DHX35: variants seen among roughly 807,000 people sequenced by gnomAD.
The protein encoded by DHX35 is probable ATP-dependent RNA helicase DHX35.
In DHX35, 84 loss-of-function variants were observed where a neutral mutation model predicts 99.6. The observed-to-expected ratio is 0.84, with a 90% CI of 0.71 to 1.01. The LOEUF is 1.01. Ranked by LOEUF, DHX35 falls within the 50% of genes least tolerant of loss-of-function variation. DHX35 has a pLI of 0.00. For synonymous variants in DHX35, 331 were observed against 316.2 expected (o/e 1.05, Z -0.50); for missense variants, 852 against 888.5 (o/e 0.96, Z 0.52).
chr20:39,032,774 A>G (rs1418494637), intron 20 of DHX35, among the ~76,000 whole-genome samples: 1 of 152,194 alleles, frequency 6.6e-6, no homozygotes, highest in Non-Finnish European at 1.5e-5. Context: ...CAAGCCCTCC[A>G]GATGTTTCTT....
At chr20:39,025,169 A>G (rs1298032909) in intron 17 of DHX35, 61 bp from the exon 18 acceptor site, 81 of 1,539,088 alleles carry the variant, frequency 5.3e-5, no homozygotes, top group Non-Finnish European at 3.4e-5. Flanking sequence ...GATCTTTACA[A>G]CATAGCCTTA....
rs138825812 is a variant in DHX35, at chr20:39,037,749, A to G, written c.2068-750A>G. ...GTTGATGAGTGGAGGGAGGTCTTTC[A>G]TTAAAAGCTTGTATTTACACACTCT... On this transcript the variant is annotated intron_variant, in intron 21 of 21. Coordinates refer to ENST00000252011, the MANE Select transcript of DHX35 (RefSeq NM_021931.4). Among the ~76,000 whole-genome samples, 648 of 152,262 alleles carry G rather than the reference A, an allele frequency of 4.3e-3. 5 individuals are homozygous for G. The highest frequency in any genetic ancestry group is 0.014 in the African/African-American group (594 of 41,536).
chr20:39,033,065 A>C (rs2087084035), intron 20 of DHX35, among the ~76,000 whole-genome samples: 2 of 151,778 alleles, frequency 1.3e-5, no homozygotes, highest in Non-Finnish European at 1.5e-5. Context: ...CCATAGCCAG[A>C]CCTCAACTCT....
At chr20:39,010,246 T>C in intron 12 of DHX35, 34 bp from the exon 13 acceptor site, 1 of 1,613,940 alleles carries the variant, frequency 6.2e-7, no homozygotes, top group Non-Finnish European at 8.5e-7. Flanking sequence ...ATTGTGACAT[T>C]TGGTCCCAAA....
Position 38,991,474 on chromosome 20 carries a change from G to C in DHX35, c.471G>C (p.Leu157=). The part of the protein sequence containing the change: ...TRIKFLTDGM[L]VREMMVDPLL... ...TTTAGTTTCTTACTGATGGAATGCT[G>C]GTCAGGGAAATGATGGTTGATCCGT... The change falls in exon 6 of 22, where the codon CTG becomes CTC. Residue 157 remains leucine, a synonymous_variant. Coordinates refer to ENST00000252011, the MANE Select transcript of DHX35 (RefSeq NM_021931.4). 6 of 1,613,456 alleles carry C rather than the reference G, an allele frequency of 3.7e-6. No individual in the cohort carries two copies. The highest frequency in any genetic ancestry group is 1.1e-5 in the South Asian group (1 of 90,966).
chr20:38,981,374 A>G (rs1177919278), intron 3 of DHX35, among the ~76,000 whole-genome samples: 1 of 151,760 alleles, frequency 6.6e-6, no homozygotes, highest in Non-Finnish European at 1.5e-5. Context: ...TTCCTCACTT[A>G]TTTCTTAGAT....
rs1234231785 is a variant in DHX35 at position 39,025,451 on chromosome 20, G to A, written c.1801+92G>A. The A allele has an allele frequency of 2.0e-6, 3 of 1,497,980 alleles. No homozygotes were observed. In the African/African-American group the frequency reaches 4.2e-5, roughly 21 times the overall value. 92.8% of individuals were successfully genotyped at this position (1,497,980 alleles called of 1,614,324 possible). A position where few individuals can be genotyped will look rare whatever the true frequency, so the allele number is the denominator to read the frequency against. On this transcript the variant is annotated intron_variant, in intron 18 of 21. Coordinates refer to ENST00000252011, the MANE Select transcript of DHX35 (RefSeq NM_021931.4). ...TCTCATGCTGGGCTGGTGCGAGGCA[G>A]TGTGGCGTGCTCTGTACCAACACTG...
chr20:39,006,970 G>A (rs1178820783), intron 12 of DHX35, among the ~76,000 whole-genome samples: 1 of 152,230 alleles, frequency 6.6e-6, no homozygotes, highest in Admixed American at 6.5e-5. Flanking sequence ...TGGACCCAGA[G>A]CTGCTCTTTC....
chr20:39,010,902 G>A (rs1381583627), intron 13 of DHX35, among the ~76,000 whole-genome samples: 2 of 152,128 alleles, frequency 1.3e-5, no homozygotes, highest in African/African-American at 4.8e-5. Flanking sequence ...GGGTCAAAGG[G>A]CCGTTGTCCT....
intron 13 of DHX35, among the ~76,000 whole-genome samples, chr20:39,013,118 C>T (rs1269908746): frequency 6.6e-6 from 1 of 150,946 alleles, no homozygotes; most frequent in Non-Finnish European, 1.5e-5. Flanking sequence ...AACTTTTGGA[C>T]AGTTGAAAAA....
At chr20:38,984,333 A>G (rs887024778) in intron 4 of DHX35, among the ~76,000 whole-genome samples, 4 of 152,228 alleles carry the variant, frequency 2.6e-5, no homozygotes, top group South Asian at 4.1e-4. Flanking sequence ...TAAAACCCCA[A>G]ATTTCACCAT....
In DHX35 at chr20:38,988,890, C is replaced by T. The variant is rs775554612; in HGVS notation, c.423C>T (p.Cys141=). ...GCTACTGCATCCGCTTTGATGACTG[C>T]ACCGACCAGCTGGCCACGAGAATTA... ...EVGYCIRFDD[C]TDQLATRIKF... Residue 141 remains cysteine, a synonymous_variant, in exon 5 of 22, where the codon TGC becomes TGT. Coordinates refer to ENST00000252011, the MANE Select transcript of DHX35 (RefSeq NM_021931.4). The T allele has an allele frequency of 6.2e-7, 1 of 1,613,408 alleles. No individual in the cohort carries two copies. Among genetic ancestry groups the T allele is most frequent in the Non-Finnish European group, 8.5e-7 (1 of 1,179,552 alleles).
chr20:38,990,259 G>A (rs542991379), intron 5 of DHX35, among the ~76,000 whole-genome samples: 1 of 152,288 alleles, frequency 6.6e-6, no homozygotes. Flanking sequence ...GTGGCAGCTA[G>A]TACCAGGTCC....
intron 3 of DHX35, among the ~76,000 whole-genome samples, chr20:38,979,704 C>T (rs180676176): frequency 3.0e-4 from 46 of 152,174 alleles, no homozygotes; most frequent in East Asian, 1.2e-3. Context: ...AGCAAGGATA[C>T]GGAGCAGGTT....
intron 7 of DHX35, 37 bp from the exon 8 acceptor site, chr20:38,994,784 C>G: frequency 6.6e-7 from 1 of 1,511,024 alleles, no homozygotes; most frequent in South Asian, 1.1e-5. Context: ...ATAAGTGTTG[C>G]ACTATTATCA....
intron 3 of DHX35, among the ~76,000 whole-genome samples, chr20:38,976,340 G>C (rs902046135): frequency 6.7e-6 from 1 of 150,362 alleles, no homozygotes. Context: ...AAGTGTCTGT[G>C]TGTGTGTGTG....
chr20:39,021,073 G>A (rs577194957), intron 15 of DHX35, among the ~76,000 whole-genome samples: 6 of 152,338 alleles, frequency 3.9e-5, no homozygotes, highest in Admixed American at 3.9e-4. Flanking sequence ...CCCTGGAGTG[G>A]TGATTGCTGG....
intron 18 of DHX35, among the ~76,000 whole-genome samples, chr20:39,028,178 G>A (rs569366120): frequency 1.3e-5 from 2 of 152,180 alleles, no homozygotes; most frequent in Non-Finnish European, 2.9e-5. Context: ...GGGGTCCCAG[G>A]TTCAAGGAGC....
rs562072541 is a variant in DHX35, at chr20:39,001,016, C to A, written c.643-714C>A. 5.9e-5 allele frequency among the ~76,000 whole-genome samples: 9 copies of A among 152,252 alleles called. No individual in the cohort carries two copies. In the South Asian group the frequency reaches 1.7e-3, roughly 28 times the overall value. On this transcript the variant is annotated intron_variant, in intron 8 of 21. Transcript: ENST00000252011. ...TTCCTTCCCCCATCATTGGCTGGAG[C>A]CCTCAAGACAGGTCTCCTTGTGGGC...
Sources: gnomAD v4.1 joint callset for allele counts (sites outside exome capture counted in the v4.1 genomes callset) on GRCh38, gnomAD v4.1.1 for gene constraint, MANE v1.5 for transcripts, NCBI Gene and HGNC (gene_info 2026-07-23, HGNC 2026-07-21) for gene names.